Variants in PDZD2 observed in about 807,000 individuals in gnomAD.
PDZD2 encodes PDZ domain containing 2.
A neutral mutation model predicts 220.7 loss-of-function variants in PDZD2; 90 were observed. The ratio of observed to expected loss-of-function variants is 0.41; its 90% CI spans 0.34 to 0.49. PDZD2 has a LOEUF of 0.49. PDZD2 is among the 20% of genes least tolerant of loss of function. The pLI is 0.28. For missense variants in PDZD2, 3,174 were observed against 3,608.5 expected (o/e 0.88, Z 3.08); for synonymous variants, 1,375 against 1,450.5 (o/e 0.95, Z 1.18).
chr5:32,005,638 G>A (rs1312361256), intron 5 of PDZD2, among the ~76,000 whole-genome samples: 6 of 152,064 alleles, frequency 3.9e-5, no homozygotes, highest in Non-Finnish European at 4.4e-5. Context: ...GTATGTGTGT[G>A]CAACATGTAC....
chr5:31,708,224 GCACATATATGACT>G (rs1396814856), intron 1 of PDZD2, among the ~76,000 whole-genome samples: 1 of 152,144 alleles, frequency 6.6e-6, no homozygotes, highest in African/African-American at 2.4e-5. Context: ...CCGCCTCTGA[GCACATATATGACT>G]CACCCACAAT....
chr5:31,930,361 A>AT (rs1368665911), intron 2 of PDZD2, among the ~76,000 whole-genome samples: 2 of 151,516 alleles, frequency 1.3e-5, no homozygotes, highest in Non-Finnish European at 2.9e-5. Context: ...CGCCCGGCTA[A>AT]TTTTTTTGTA....
intron 1 of PDZD2, among the ~76,000 whole-genome samples, chr5:31,777,009 A>T (rs1171462110): frequency 6.6e-6 from 1 of 152,004 alleles, no homozygotes; most frequent in Admixed American, 6.5e-5. Context: ...GCCACACTTG[A>T]GGAGCCCTTC....
intron 2 of PDZD2, among the ~76,000 whole-genome samples, chr5:31,975,821 T>TTTTTTA (rs1392254387): frequency 7.7e-6 from 1 of 129,210 alleles, no homozygotes; most frequent in African/African-American, 3.0e-5. Context: ...TTTTTTTTTT[T>TTTTTTA]GAGACAAGGT....
intron 2 of PDZD2, among the ~76,000 whole-genome samples, chr5:31,949,303 A>C (rs1746964000): frequency 6.6e-6 from 1 of 151,990 alleles, no homozygotes. Flanking sequence ...TGACCCAAGG[A>C]CAATGTAAAA....
At chr5:31,675,855 C>A (rs1340533927) in intron 1 of PDZD2, among the ~76,000 whole-genome samples, 1 of 152,142 alleles carries the variant, frequency 6.6e-6, no homozygotes, top group Non-Finnish European at 1.5e-5. Context: ...GCACGCACCA[C>A]CATGCCCAGC....
intron 2 of PDZD2, among the ~76,000 whole-genome samples, chr5:31,946,293 G>A (rs1404219160): frequency 6.6e-6 from 1 of 152,194 alleles, no homozygotes; most frequent in Non-Finnish European, 1.5e-5. Flanking sequence ...GTGAGTCACT[G>A]CGCCTGGCCA....
intron 1 of PDZD2, among the ~76,000 whole-genome samples, chr5:31,689,258 T>TGC (rs1281116121): frequency 7.3e-6 from 1 of 136,608 alleles, no homozygotes; most frequent in Non-Finnish European, 1.5e-5. Flanking sequence ...TGTGTGTGTG[T>TGC]GTGTGTATAC....
intron 2 of PDZD2, chr5:31,843,345 C>A (rs1021265681): frequency 2.0e-5 from 3 of 151,826 alleles, no homozygotes; most frequent in Admixed American, 1.3e-4. Context: ...CGGCTCACTG[C>A]AACCTCCACC....
At chr5:32,048,511 A>G (rs1453478418) in intron 7 of PDZD2, 28 bp from the exon 8 acceptor site, 6 of 1,600,788 alleles carry the variant, frequency 3.7e-6, no homozygotes, top group Non-Finnish European at 5.1e-6. Flanking sequence ...CCCATATCAA[A>G]CTATGTTTTC....
chr5:31,920,978 G>A (rs548912565), intron 2 of PDZD2, among the ~76,000 whole-genome samples: 6 of 152,256 alleles, frequency 3.9e-5, no homozygotes, highest in South Asian at 4.1e-4. Flanking sequence ...GTAATACTCC[G>A]TTGTCTGCGT....
intron 3 of PDZD2, among the ~76,000 whole-genome samples, chr5:31,989,992 A>G (rs1751082815): frequency 6.6e-6 from 1 of 152,046 alleles, no homozygotes; most frequent in African/African-American, 2.4e-5. Context: ...CTGTTTTCTC[A>G]CCTATAAACT....
chr5:31,967,042 A>C (rs554552077), intron 2 of PDZD2, among the ~76,000 whole-genome samples: 7 of 152,320 alleles, frequency 4.6e-5, no homozygotes, highest in South Asian at 4.1e-4. Context: ...CAAAATTGTG[A>C]AGTAAATTCA....
rs115396074 is a variant in PDZD2, at chr5:31,927,858, A to G, written c.477-55297A>G. On this transcript the variant is annotated intron_variant, in intron 2 of 24. Transcript: ENST00000438447. ...GCCTAAGAGATGTGTGTCCTTGTCTAGGACCCAAGTCACTGGGCCACACCG... is the reference window on the plus strand; with the variant it reads ...GCCTAAGAGATGTGTGTCCTTGTCTGGGACCCAAGTCACTGGGCCACACCG... Among the ~76,000 whole-genome samples, 465 of 152,318 alleles carry G rather than the reference A, an allele frequency of 3.1e-3. 3 individuals are homozygous for G. The highest frequency in any genetic ancestry group is 0.011 in the African/African-American group (453 of 41,564).
In PDZD2 at chr5:32,088,815, A is replaced by G; in HGVS notation, c.5367A>G (p.Lys1789=). The change falls in exon 20 of 25, where the codon AAA becomes AAG. Residue 1789 remains lysine, a synonymous_variant. Transcript: ENST00000438447. This position sits in a 1 kb window ranked among gnomAD's most constrained non-coding sequence, Gnocchi z 4.6. ...ESQDLDDLLQ[K]PKMIARRPIM... ...AAGACCTGGATGACTTGCTACAGAA[A>G]CCAAAAATGATCGCTAGGAGGCCCA... 2.5e-6 allele frequency: 4 copies of G among 1,614,050 alleles called. No individual in the cohort carries two copies. Among genetic ancestry groups the G allele is most frequent in the Non-Finnish European group, 3.4e-6 (4 of 1,179,976 alleles).
intron 19 of PDZD2, among the ~76,000 whole-genome samples, chr5:32,080,327 A>C (rs936916793): frequency 8.9e-5 from 13 of 146,106 alleles, no homozygotes; most frequent in Non-Finnish European, 1.5e-4. Flanking sequence ...CAGCCTGGGC[A>C]ACAGAGCGAG....
chr5:31,659,653 A>G lies in PDZD2; in HGVS notation c.-361+20216A>G, dbSNP rs562651212. ...AAACTATTTCAGTGGCTTTTCTTGT[A>G]TAGGACTGCTAAGACTTATTCTCAT... On this transcript the variant is annotated intron_variant, in intron 1 of 24. Coordinates refer to ENST00000438447, the MANE Select transcript of PDZD2 (RefSeq NM_178140.4). 8.5e-5 allele frequency among the ~76,000 whole-genome samples: 13 copies of G among 152,170 alleles called. No homozygotes were observed. The South Asian group carries it at 2.7e-3, about 32-fold the overall frequency.
At chr5:31,731,268 C>T (rs1336328080) in intron 1 of PDZD2, among the ~76,000 whole-genome samples, 3 of 152,130 alleles carry the variant, frequency 2.0e-5, no homozygotes, top group Admixed American at 6.6e-5. Flanking sequence ...ATTTACCAGG[C>T]AACCATGGTA....
At chr5:31,681,061 C>T (rs1746634155) in intron 1 of PDZD2, among the ~76,000 whole-genome samples, 1 of 152,244 alleles carries the variant, frequency 6.6e-6, no homozygotes, top group African/African-American at 2.4e-5. Context: ...TAATTCCCAC[C>T]ATATATGCAA....
Sources: allele counts gnomAD v4.1 joint callset (sites outside exome capture counted in the v4.1 genomes callset), GRCh38; gene constraint gnomAD v4.1.1; non-coding constraint Gnocchi (gnomAD v3.1); transcripts MANE v1.5; gene names NCBI Gene and HGNC (gene_info 2026-07-23, HGNC 2026-07-21).